Variants in BPIFA3 observed in about 807,000 individuals in gnomAD.
The protein encoded by BPIFA3 is BPI fold containing family A member 3, also known as BPI fold-containing family A member 3.
BPIFA3 carries 32 observed loss-of-function variants against 29.7 expected under a neutral mutation model. The ratio of observed to expected loss-of-function variants is 1.08; its 90% CI spans 0.81 to 1.45. The LOEUF is 1.45. Among genes scored for constraint, BPIFA3 ranks in the 40% most tolerant of loss-of-function variants. The pLI is 0.00. For synonymous variants in BPIFA3, 112 were observed against 113.7 expected, an observed-to-expected ratio of 0.98 and a Z score of 0.10; for missense variants, 323 against 311.3, an observed-to-expected ratio of 1.04 and a Z score of -0.28.
rs756677564 is a variant in BPIFA3 at position 33,223,900 on chromosome 20, G to A, written c.217G>A (p.Ala73Thr). 85 of 1,614,062 alleles carry A rather than the reference G, an allele frequency of 5.3e-5. No homozygotes were observed. Among genetic ancestry groups the A allele is most frequent in the Non-Finnish European group, 6.9e-5 (81 of 1,180,026 alleles). The change falls in exon 2 of 7, where the codon GCC becomes ACC. Residue 73 changes from alanine (A) to threonine (T), a missense_variant. Coordinates refer to ENST00000375454, the MANE Select transcript of BPIFA3 (RefSeq NM_178466.5). Reference sequence around the variant, plus strand: ...CAGACTGAATGCCTCAGCACAAGTGGCCCCAGGGCTGGTGGGCTGGCTAAT... The same window carrying A: ...CAGACTGAATGCCTCAGCACAAGTGACCCCAGGGCTGGTGGGCTGGCTAAT... ...GDRLNASAQV[A>T]PGLVGWLISG...
At chr20:33,224,041 G>A in intron 2 of BPIFA3, 80 bp downstream of exon 2, 1 of 1,546,270 alleles carries the variant, frequency 6.5e-7, no homozygotes. Flanking sequence ...TGGGGGGCTG[G>A]GGAGGTGCAA....
At chr20:33,220,895 C>T (rs962814755) in intron 1 of BPIFA3, among the ~76,000 whole-genome samples, 12 of 152,158 alleles carry the variant, frequency 7.9e-5, no homozygotes, top group African/African-American at 2.9e-4. Context: ...ATCCAGAATT[C>T]CCCTACAAGT....
At chr20:33,218,823 T>C (rs939339907) in intron 1 of BPIFA3, among the ~76,000 whole-genome samples, 17 of 152,184 alleles carry the variant, frequency 1.1e-4, no homozygotes, top group African/African-American at 4.1e-4. Flanking sequence ...CAGTTTGATG[T>C]GTAGTTGAGT....
At chr20:33,224,046 G>A in intron 2 of BPIFA3, 85 bp downstream of exon 2, 1 of 1,517,106 alleles carries the variant, frequency 6.6e-7, no homozygotes, top group Non-Finnish European at 9.0e-7. Context: ...GGCTGGGGAG[G>A]TGCAAGGCCT....
Position 33,217,404 on chromosome 20 carries a change from C to A in BPIFA3, c.-133C>A. On this transcript the variant is annotated 5_prime_UTR_variant, in exon 1 of 7. Transcript: ENST00000375454. The stretch of plus-strand genomic sequence containing the variant: ...CAGGGTCCAGTGCAGCCCCTCCCCA[C>A]AGCATGCTGGGGGCTAATTCTGATG... The A allele has an allele frequency of 8.2e-7, 1 of 1,217,238 alleles. No homozygotes were observed. The highest frequency in any genetic ancestry group is 1.1e-6 in the Non-Finnish European group (1 of 891,834). 75.4% of individuals were successfully genotyped at this position (1,217,238 alleles called of 1,614,324 possible).
In BPIFA3 at chr20:33,222,919, A is replaced by G. The variant is rs73904638; in HGVS notation, c.128-892A>G. On this transcript the variant is annotated intron_variant, in intron 1 of 6. Transcript: ENST00000375454. The stretch of plus-strand genomic sequence containing the variant: ...GTGACCAGCTTGGGGCCTGACACCC[A>G]GTAGATGCTCAATAAATATTTGTTG... Among the ~76,000 whole-genome samples the G allele has an allele frequency of 5.4e-3, 817 of 152,344 alleles. 5 individuals are homozygous for G. The highest frequency in any genetic ancestry group is 0.018 in the African/African-American group (766 of 41,574).
In BPIFA3 at chr20:33,226,845, T is replaced by C. The variant is rs1257640510; in HGVS notation, c.622-85T>C. The C allele has an allele frequency of 2.5e-5, 39 of 1,547,426 alleles. No individual in the cohort carries two copies. The South Asian group carries it at 2.7e-4, about 11-fold the overall frequency. ...ACGATTCCTACTGGAAAAAATCCCA[T>C]GGAGTTGAAGTTTCCTGCCACAGTC... On this transcript the variant is annotated intron_variant, in intron 5 of 6. Coordinates refer to ENST00000375454, the MANE Select transcript of BPIFA3 (RefSeq NM_178466.5).
At chr20:33,218,002 CAGT>C (rs146326443) in intron 1 of BPIFA3, among the ~76,000 whole-genome samples, 2,093 of 152,112 alleles carry the variant, frequency 0.014, 52 homozygotes, top group African/African-American at 0.047. Context: ...CTTGTATGTA[CAGT>C]ACTTTAATTT....
Position 33,226,394 on chromosome 20 carries a change from C to G in BPIFA3, c.537-12C>G. 6 of 1,599,748 alleles carry G rather than the reference C, an allele frequency of 3.8e-6. No homozygotes were observed. Among genetic ancestry groups the G allele is most frequent in the Non-Finnish European group, 5.1e-6 (6 of 1,167,484 alleles). On this transcript the variant is annotated splice_polypyrimidine_tract_variant and intron_variant, in intron 4 of 6. Transcript: ENST00000375454. ...GCTCTGTTCTGTTCTGTGCCTCTAC[C>G]TTTCTTTCTAGGGCTATCCCACCAA...
In BPIFA3 at chr20:33,225,143, CGTT is replaced by C; in HGVS notation, c.435_437del (p.Val146del). ...TAAAGATGTGTGCACATATGAGCATCGTTGTGGAGTTCTGGCTGGAGAAAGACG... is the reference window on the plus strand; with the variant it reads ...TAAAGATGTGTGCACATATGAGCATCGTGGAGTTCTGGCTGGAGAAAGACG... On this transcript the variant is annotated inframe_deletion, in exon 4 of 7. Coordinates refer to ENST00000375454, the MANE Select transcript of BPIFA3 (RefSeq NM_178466.5). 6.2e-7 allele frequency: 1 copy of C among 1,614,140 alleles called. No individual in the cohort carries two copies. Among genetic ancestry groups the C allele is most frequent in the Non-Finnish European group, 8.5e-7 (1 of 1,180,024 alleles).
At chr20:33,226,873 T>G (rs561813816) in intron 5 of BPIFA3, 57 bp from the exon 6 acceptor site, 1 of 1,607,670 alleles carries the variant, frequency 6.2e-7, no homozygotes, top group Non-Finnish European at 8.5e-7. Context: ...CCACAGTCAC[T>G]TCAGTTTTCC....
rs747517542 is a variant in BPIFA3 at position 33,227,613 on chromosome 20, G to C, written c.761G>C (p.Ser254Thr). Residue 254 changes from serine (S) to threonine (T), a missense_variant, in exon 7 of 7, where the codon AGC becomes ACC. Ser to Thr is a moderately conservative substitution (Grantham distance 58). Transcript: ENST00000375454. ...PSACQAGESPS is the reference protein window; with the variant it reads ...PSACQAGESPT ...GCATGCCAGGCTGGAGAGTCCCCCA[G>C]CTGACTTCTGCTGATCAGAAGGAAA... 6.2e-7 allele frequency: 1 copy of C among 1,613,332 alleles called. No individual in the cohort carries two copies. Among genetic ancestry groups the C allele is most frequent in the Admixed American group, 1.7e-5 (1 of 60,016 alleles).
intron 5 of BPIFA3, 76 bp downstream of exon 5, chr20:33,226,566 G>T (rs1985790905): frequency 1.0e-6 from 1 of 959,664 alleles, no homozygotes; most frequent in Non-Finnish European, 1.6e-6. Context: ...TGGCAATTTA[G>T]CAAAGGATTT....
rs776367863 is a variant in BPIFA3, at chr20:33,227,654, C to A, written c.*37C>A. The A allele has an allele frequency of 1.3e-6, 2 of 1,564,050 alleles. No individual in the cohort carries two copies. Among genetic ancestry groups the A allele is most frequent in the Non-Finnish European group, 1.8e-6 (2 of 1,134,964 alleles). ...CAGAAGGAAAGTCCACATCTTGCAACCTTAAGTCTCCCTTAGAGTGGGGCT... is the reference window on the plus strand; with the variant it reads ...CAGAAGGAAAGTCCACATCTTGCAAACTTAAGTCTCCCTTAGAGTGGGGCT... On this transcript the variant is annotated 3_prime_UTR_variant, in exon 7 of 7. Coordinates refer to ENST00000375454, the MANE Select transcript of BPIFA3 (RefSeq NM_178466.5).
At chr20:33,220,377 G>T (rs1014436689) in intron 1 of BPIFA3, among the ~76,000 whole-genome samples, 4 of 151,858 alleles carry the variant, frequency 2.6e-5, no homozygotes, top group African/African-American at 9.7e-5. Flanking sequence ...CAGCCTGGGG[G>T]ACAGAGCAAG....
chr20:33,222,271 T>C (rs549129311), intron 1 of BPIFA3, among the ~76,000 whole-genome samples: 1 of 152,352 alleles, frequency 6.6e-6, no homozygotes, highest in South Asian at 2.1e-4. Flanking sequence ...CCCATTGTGG[T>C]AGGAAAATGG....
rs1183478497 is a variant in BPIFA3, at chr20:33,224,344, T to C, written c.279-11T>C. Reference sequence around the variant, plus strand: ...TCACCCTTGTGGGGCCTCTGCTCTTTCCTTGTGCAGCATCAACATCACCAA... The same window carrying C: ...TCACCCTTGTGGGGCCTCTGCTCTTCCCTTGTGCAGCATCAACATCACCAA... On this transcript the variant is annotated splice_polypyrimidine_tract_variant and intron_variant, in intron 2 of 6. Transcript: ENST00000375454. The C allele has an allele frequency of 6.2e-7, 1 of 1,611,882 alleles. No individual in the cohort carries two copies. The highest frequency in any genetic ancestry group is 1.7e-5 in the Admixed American group (1 of 60,004).
chr20:33,224,474 A>G lies in BPIFA3; in HGVS notation c.386+12A>G. 2 of 1,597,872 alleles carry G rather than the reference A, an allele frequency of 1.3e-6. No homozygotes were observed. Among genetic ancestry groups the G allele is most frequent in the Non-Finnish European group, 1.7e-6 (2 of 1,165,312 alleles). On this transcript the variant is annotated intron_variant, in intron 3 of 6. Transcript: ENST00000375454. ...CTTGAATTGAGACCGTGAGTCATAC[A>G]GAAGCAGAATCTGAGAGGTGCTGGC... is the stretch of plus-strand genomic sequence containing the variant.
rs781149278 is a variant in BPIFA3, at chr20:33,223,927, A to C, written c.244A>C (p.Ser82Arg). The C allele has an allele frequency of 7.4e-6, 12 of 1,614,052 alleles. No individual in the cohort carries two copies. In the South Asian group the frequency reaches 1.3e-4, roughly 18 times the overall value. ...CCCAGGGCTGGTGGGCTGGCTAATC[A>C]GCGGCAGGAAACACCAGCAGCAGCA... Reference protein sequence around the residue: ...VAPGLVGWLISGRKHQQQQES... With the variant: ...VAPGLVGWLIRGRKHQQQQES... Residue 82 changes from serine (S) to arginine (R), a missense_variant, in exon 2 of 7, where the codon AGC (serine) becomes CGC (arginine). Coordinates refer to ENST00000375454, the MANE Select transcript of BPIFA3 (RefSeq NM_178466.5).
Sources: allele counts gnomAD v4.1 joint callset (sites outside exome capture counted in the v4.1 genomes callset), GRCh38; gene constraint gnomAD v4.1.1; transcripts MANE v1.5; gene names NCBI Gene and HGNC (gene_info 2026-07-23, HGNC 2026-07-21).